The following MACROD1 variants were observed in gnomAD, a reference collection of about 807,000 sequenced individuals.
The protein encoded by MACROD1 is mono-ADP ribosylhydrolase 1, also known as ADP-ribose glycohydrolase MACROD1.
MACROD1 carries 31 observed loss-of-function variants against 41.4 expected under a neutral mutation model. The ratio of observed to expected loss-of-function variants is 0.75; its 90% CI spans 0.56 to 1.01. The LOEUF is 1.01. Among genes scored for constraint, MACROD1 ranks in the 50% least tolerant of loss-of-function variants. The pLI, the probability that MACROD1 is intolerant of heterozygous loss-of-function variation, is 0.00. For missense variants in MACROD1, 473 were observed against 460.0 expected, an observed-to-expected ratio of 1.03 and a Z score of -0.26; for synonymous variants, 252 against 203.4, an observed-to-expected ratio of 1.24 and a Z score of -2.03.
At chr11:64,152,017 T>C (rs528186919) in intron 2 of MACROD1, among the ~76,000 whole-genome samples, 8 of 152,110 alleles carry the variant, frequency 5.3e-5, no homozygotes, top group Non-Finnish European at 1.2e-4. Context: ...TAATCCCAGC[T>C]ACTCAGGAGG....
intron 3 of MACROD1, among the ~76,000 whole-genome samples, chr11:64,028,143 G>C (rs1339364839): frequency 6.6e-6 from 1 of 152,048 alleles, no homozygotes; most frequent in Non-Finnish European, 1.5e-5. Context: ...TCTAAAACTA[G>C]TGCTTCCCCA....
At chr11:64,012,108 C>T (rs1217811060) in intron 4 of MACROD1, among the ~76,000 whole-genome samples, 1 of 152,210 alleles carries the variant, frequency 6.6e-6, no homozygotes, top group Non-Finnish European at 1.5e-5. Flanking sequence ...TCCGGGCCCA[C>T]TTCCTCCAGG....
intron 3 of MACROD1, chr11:64,035,862 G>C (rs1449944613): frequency 1.4e-5 from 2 of 145,948 alleles, no homozygotes; most frequent in Middle Eastern, 3.5e-3. Context: ...GGGCACCGCC[G>C]CTGGTCCCCG....
At chr11:64,009,333 G>C (rs1231486418) in intron 4 of MACROD1, among the ~76,000 whole-genome samples, 2 of 152,188 alleles carry the variant, frequency 1.3e-5, no homozygotes, top group South Asian at 2.1e-4. Context: ...AGGGTCTGTC[G>C]GGAAGGCTGG....
intron 3 of MACROD1, among the ~76,000 whole-genome samples, chr11:64,066,548 G>A (rs1289603311): frequency 6.6e-6 from 1 of 151,792 alleles, no homozygotes; most frequent in African/African-American, 2.4e-5. Flanking sequence ...GAGCCTGGGA[G>A]GTCAAGGCTA....
intron 3 of MACROD1, among the ~76,000 whole-genome samples, chr11:64,065,510 C>T (rs1408227649): frequency 6.6e-6 from 1 of 152,140 alleles, no homozygotes; most frequent in Non-Finnish European, 1.5e-5. Flanking sequence ...GAACAAGGGG[C>T]CAGGCGCGGT....
chr11:64,051,165 C>T (rs546653504), intron 3 of MACROD1, among the ~76,000 whole-genome samples: 1 of 152,354 alleles, frequency 6.6e-6, no homozygotes, highest in Admixed American at 6.5e-5. Flanking sequence ...ACCTAGCCAC[C>T]TTACTAGGCC....
Position 64,048,645 on chromosome 11 carries a change from G to A in MACROD1, c.518-33364C>T, listed in dbSNP as rs574699737. Among the ~76,000 whole-genome samples, 88 of 152,260 alleles carry A rather than the reference G, an allele frequency of 5.8e-4. 2 individuals are homozygous for A. The highest frequency in any genetic ancestry group is 5.6e-3 in the Admixed American group (85 of 15,306). ...GTTCCTGCCGCTAAGCACTTTATGC[G>A]TCATCACCGATTCCTTAAAGCAGCC... On this transcript the variant is annotated intron_variant, in intron 3 of 10. Transcript: ENST00000255681.
Position 64,096,810 on chromosome 11 carries a change from G to T in MACROD1, c.517+54429C>A, listed in dbSNP as rs531708933. Among the ~76,000 whole-genome samples the T allele has an allele frequency of 6.6e-6, 1 of 152,318 alleles. No individual in the cohort carries two copies. Among genetic ancestry groups the T allele is most frequent in the Admixed American group, 6.5e-5 (1 of 15,310 alleles). ...GGGGAAGAGGGCAGGCCTGTGGGGG[G>T]CTGCCGTGTCCCCATACCCTCCAAG... is the stretch of plus-strand genomic sequence containing the variant. On this transcript the variant is annotated intron_variant, in intron 3 of 10. Coordinates refer to ENST00000255681, the MANE Select transcript of MACROD1 (RefSeq NM_014067.4). The surrounding 1 kb of genome is among the most constrained non-coding windows in gnomAD (Gnocchi z 4.6).
At chr11:64,129,458 G>A (rs1945234385) in intron 3 of MACROD1, among the ~76,000 whole-genome samples, 1 of 152,220 alleles carries the variant, frequency 6.6e-6, no homozygotes, top group Admixed American at 6.5e-5. Flanking sequence ...GTGAGAGGGC[G>A]TGGGAGGCCG....
intron 4 of MACROD1, chr11:64,008,990 G>A (rs1590795628): frequency 6.6e-6 from 1 of 152,310 alleles, no homozygotes. Context: ...CGTGGCAGGC[G>A]CAGTCATGAT....
At chr11:64,039,231 G>T (rs1269634505) in intron 3 of MACROD1, among the ~76,000 whole-genome samples, 1 of 152,060 alleles carries the variant, frequency 6.6e-6, no homozygotes, top group Non-Finnish European at 1.5e-5. Flanking sequence ...AGCGTGGGTG[G>T]ACAAGAAGGG....
chr11:63,998,775 C>T (rs1479425494), intron 10 of MACROD1, 63 bp downstream of exon 10: 4 of 1,442,054 alleles, frequency 2.8e-6, no homozygotes, highest in Non-Finnish European at 2.7e-6. Flanking sequence ...TGGGGGTGAG[C>T]GGGGGTTAGT....
At chr11:64,066,384 G>T (rs1016715606) in intron 3 of MACROD1, among the ~76,000 whole-genome samples, 2 of 151,672 alleles carry the variant, frequency 1.3e-5, no homozygotes, top group Admixed American at 1.3e-4. Context: ...AGGCCGAGGT[G>T]GTAGGATCAC....
chr11:64,001,741 C>T (rs773020508), intron 4 of MACROD1: 14 of 702,082 alleles, frequency 2.0e-5, no homozygotes, highest in African/African-American at 3.5e-5. Flanking sequence ...TAGCCCAGGG[C>T]GAGGCTGAGA....
At chr11:64,026,629 A>C (rs1193339430) in intron 3 of MACROD1, among the ~76,000 whole-genome samples, 1 of 152,158 alleles carries the variant, frequency 6.6e-6, no homozygotes, top group African/African-American at 2.4e-5. Context: ...TCCCTGCTTA[A>C]AATTCTCCAA....
At chr11:64,164,862 G>A (rs963639108) in intron 1 of MACROD1, among the ~76,000 whole-genome samples, 1 of 152,192 alleles carries the variant, frequency 6.6e-6, no homozygotes, top group African/African-American at 2.4e-5. Context: ...AGGGGCAGCT[G>A]GGTGCCCGGC....
chr11:64,000,632 G>GGCCC (rs1942808086), intron 4 of MACROD1, among the ~76,000 whole-genome samples: 1 of 152,120 alleles, frequency 6.6e-6, no homozygotes, highest in Admixed American at 6.5e-5. Flanking sequence ...GCGCCGCCAG[G>GGCCC]GCCCAGGCAG....
chr11:64,122,087 G>A lies in MACROD1; in HGVS notation c.517+29152C>T, dbSNP rs1257273192. Among the ~76,000 whole-genome samples, 1 of 152,176 alleles carries A rather than the reference G, an allele frequency of 6.6e-6. No individual in the cohort carries two copies. Among genetic ancestry groups the A allele is most frequent in the Non-Finnish European group, 1.5e-5 (1 of 68,038 alleles). ...CTCTTGTAAGCTCAGCTCAGGCGTG[G>A]GGCCCAATGTATGGAATGCTTAAGA... On this transcript the variant is annotated intron_variant, in intron 3 of 10. Coordinates refer to ENST00000255681, the MANE Select transcript of MACROD1 (RefSeq NM_014067.4). This position sits in a 1 kb window ranked among gnomAD's most constrained non-coding sequence, Gnocchi z 4.0.
Sources: allele counts gnomAD v4.1 joint callset (sites outside exome capture counted in the v4.1 genomes callset), GRCh38; gene constraint gnomAD v4.1.1; non-coding constraint Gnocchi (gnomAD v3.1); transcripts MANE v1.5; gene names NCBI Gene and HGNC (gene_info 2026-07-23, HGNC 2026-07-21).